The following MADD variants were observed in gnomAD, a reference collection of about 807,000 sequenced individuals.
The protein encoded by MADD is MAP kinase-activating death domain protein.
MADD carries 109 observed loss-of-function variants against 176.7 expected under a neutral mutation model. That is an observed-to-expected ratio of 0.62 (90% CI 0.53 to 0.72). The LOEUF (loss-of-function observed/expected upper bound fraction) is 0.72, where lower values mean the gene tolerates loss of function less well. Among genes scored for constraint, MADD ranks in the 30% least tolerant of loss-of-function variants. MADD has a pLI of 0.00. For missense variants in MADD, 1,914 were observed against 2,045.5 expected (o/e 0.94, Z 1.24); for synonymous variants, 771 against 771.3 (o/e 1.00, Z 0.01).
In MADD at chr11:47,309,662, G is replaced by T. The variant is rs752365633; in HGVS notation, c.3978+50G>T. 4.9e-6 allele frequency: 7 copies of T among 1,414,308 alleles called. No homozygotes were observed. In the South Asian group the frequency reaches 8.1e-5, roughly 16 times the overall value. The allele number at this position is 1,414,308 out of a possible 1,614,324, so 87.6% of individuals were successfully genotyped here. A position where few individuals can be genotyped will look rare whatever the true frequency, so the allele number is the denominator to read the frequency against. Reference sequence around the variant, plus strand: ...GCTCCGCTGATCCTAGAGGGGCAAGGCTTGTTCCTGTCGCCTAAATTTCGG... The same window carrying T: ...GCTCCGCTGATCCTAGAGGGGCAAGTCTTGTTCCTGTCGCCTAAATTTCGG... On this transcript the variant is annotated intron_variant, in intron 25 of 32. Coordinates refer to ENST00000402192, the Ensembl canonical transcript of MADD.
chr11:47,275,956 C>T (rs372432939), exon 4 of MADD: 5 of 1,613,938 alleles, frequency 3.1e-6, no homozygotes, highest in Middle Eastern at 1.6e-4. Context: ...AGTCAAGTGC[C>T]CTTCTGCATG....
chr11:47,308,929 C>A (rs2085519889), intron 23 of MADD, 51 bp from the exon 26 acceptor site: 1 of 1,546,454 alleles, frequency 6.5e-7, no homozygotes, highest in East Asian at 2.2e-5. Context: ...TTTCTGTCTT[C>A]CTTTCTTTCC....
At chr11:47,274,117 G>C in intron 2 of MADD, 141 bp downstream of exon 2, 1 of 783,552 alleles carries the variant, frequency 1.3e-6, no homozygotes, top group Non-Finnish European at 2.0e-6. Flanking sequence ...ATCGAAGCCA[G>C]TAGGGAAAAA....
In MADD at chr11:47,290,125, C is replaced by T. The variant is rs778514570; in HGVS notation, c.2944-24C>T. 9.3e-6 allele frequency: 15 copies of T among 1,612,898 alleles called. No individual in the cohort carries two copies. In the South Asian group the frequency reaches 1.1e-4, roughly 12 times the overall value. The stretch of plus-strand genomic sequence containing the variant: ...GAACACCACAGGCAATTTGCCAACG[C>T]TAGCCCCTGGGTTATTGTTGCAGGA... On this transcript the variant is annotated intron_variant, in intron 17 of 32. Transcript: ENST00000402192.
chr11:47,329,173 C>A, exon 33 of MADD: 1 of 1,584,962 alleles, frequency 6.3e-7, no homozygotes, highest in Non-Finnish European at 8.7e-7. Context: ...ACGCAGCTGC[C>A]CCAGCCCAGG....
chr11:47,274,151 A>C (rs991879806), intron 2 of MADD, among the ~76,000 whole-genome samples, 175 bp downstream of exon 2: 1 of 152,260 alleles, frequency 6.6e-6, no homozygotes, highest in Non-Finnish European at 1.5e-5. Flanking sequence ...GATTGAAAGC[A>C]AAACCCTGCT....
chr11:47,311,621 A>G (rs2089329742), intron 25 of MADD, 111 bp from the exon 29 acceptor site: 2 of 698,280 alleles, frequency 2.9e-6, no homozygotes. Context: ...GTGGTCTTTC[A>G]GAATTCCACT....
chr11:47,286,307 T>G (rs2060604232), intron 14 of MADD, 126 bp from the exon 15 acceptor site: 16 of 718,756 alleles, frequency 2.2e-5, no homozygotes, highest in Non-Finnish European at 7.5e-6. Context: ...AGATCAGAGA[T>G]GATCTGATCC....
At chr11:47,285,189 C>T (rs1331119700) in exon 13 of MADD, 70 of 1,613,462 alleles carry the variant, frequency 4.3e-5, no homozygotes, top group Non-Finnish European at 5.8e-5. Context: ...ATGTCAGTGG[C>T]AATCGGTGAG....
Position 47,294,694 on chromosome 11 carries a change from T to A in MADD, c.3402+711T>A, listed in dbSNP as rs191219868. On this transcript the variant is annotated intron_variant, in intron 20 of 32. Coordinates refer to ENST00000402192, the Ensembl canonical transcript of MADD. ...CAAAAAAAAAAAAAAAAAAAAAAAATGAACAACCTCAAAACAATATAAATA... is the reference window on the plus strand; with the variant it reads ...CAAAAAAAAAAAAAAAAAAAAAAAAAGAACAACCTCAAAACAATATAAATA... Among the ~76,000 whole-genome samples the A allele has an allele frequency of 7.7e-3, 847 of 110,658 alleles. 6 individuals carry two copies. The highest frequency in any genetic ancestry group is 0.023 in the African/African-American group (659 of 28,338). 72.6% of individuals were successfully genotyped at this position (110,658 alleles called of 152,430 possible).
At chr11:47,306,719 C>T (rs1464482704) in intron 22 of MADD, among the ~76,000 whole-genome samples, 1 of 152,120 alleles carries the variant, frequency 6.6e-6, no homozygotes, top group Non-Finnish European at 1.5e-5. Context: ...GCATTCCTGT[C>T]ACCCTTCTGA....
At chr11:47,309,226 C>G (rs1370657068) in intron 23 of MADD, 55 bp from the exon 27 acceptor site, 1 of 1,582,082 alleles carries the variant, frequency 6.3e-7, no homozygotes, top group South Asian at 1.2e-5. Context: ...TTTTGTTTGG[C>G]AGCTATATTC....
intron 31 of MADD, chr11:47,328,022 C>T: frequency 1.0e-6 from 1 of 990,048 alleles, no homozygotes; most frequent in Non-Finnish European, 1.2e-6. Flanking sequence ...CGCCTGTCTT[C>T]TGCTGGGTGT....
At chr11:47,300,471 G>T (rs1160503809) in intron 22 of MADD, among the ~76,000 whole-genome samples, 1 of 149,300 alleles carries the variant, frequency 6.7e-6, no homozygotes, top group Non-Finnish European at 1.5e-5. Flanking sequence ...GCCCCAAAGT[G>T]CTGGGATTAC....
At chr11:47,307,755 G>A (rs1008554818) in intron 22 of MADD, among the ~76,000 whole-genome samples, 7 of 151,738 alleles carry the variant, frequency 4.6e-5, no homozygotes, top group East Asian at 1.9e-4. Context: ...TGCAACCTCC[G>A]CCTCCAGGGT....
chr11:47,309,483 A>G (rs1341867881), intron 24 of MADD, 24 bp from the exon 28 acceptor site: 1 of 1,613,924 alleles, frequency 6.2e-7, no homozygotes, highest in Non-Finnish European at 8.5e-7. Context: ...TTGAGGGCTG[A>G]CTTGTGCTTG....
rs1186494785 is a variant in MADD at position 47,308,677 on chromosome 11, C to CT, written c.3730dup (p.Tyr1244LeufsTer4). On this transcript the variant is annotated frameshift_variant, in exon 23 of 33. Transcript: ENST00000402192. LOFTEE classifies it high-confidence loss of function. ...CTTCTGAAGATGTGAGCCAGCGAGT[C>CT]TATCTCTATGAGGGACTCCTAGGTG... 6.2e-7 allele frequency: 1 copy of CT among 1,613,974 alleles called. No homozygotes were observed. The highest frequency in any genetic ancestry group is 1.7e-5 in the Admixed American group (1 of 60,010).
upstream of MADD, chr11:47,269,833 G>A (rs1397771328): frequency 6.6e-6 from 1 of 152,174 alleles, no homozygotes; most frequent in Non-Finnish European, 1.5e-5. Flanking sequence ...GACTTTCAGA[G>A]GAATCCCCAT....
At chr11:47,276,326 ATGATG>A (rs2049836422) in intron 4 of MADD, 124 bp downstream of exon 4, 1 of 902,004 alleles carries the variant, frequency 1.1e-6, no homozygotes, top group African/African-American at 1.7e-5. Flanking sequence ...AGGAGGTAAC[ATGATG>A]CCTGGTAAAC....
Sources: allele counts gnomAD v4.1 joint callset (sites outside exome capture counted in the v4.1 genomes callset), GRCh38; gene constraint gnomAD v4.1.1; transcripts MANE v1.5; gene names NCBI Gene and HGNC (gene_info 2026-07-23, HGNC 2026-07-21).